The following DOK6 variants were observed in gnomAD, a reference collection of about 807,000 sequenced individuals.
DOK6 encodes docking protein 6.
DOK6 carries 22 observed loss-of-function variants against 44.0 expected under a neutral mutation model. The ratio of observed to expected loss-of-function variants is 0.50; its 90% CI spans 0.36 to 0.71. DOK6 has a LOEUF of 0.71. DOK6 is among the 30% of genes least tolerant of loss of function. DOK6 has a pLI of 0.00. For missense variants in DOK6, 340 were observed against 416.4 expected, an observed-to-expected ratio of 0.82 and a Z score of 1.60; for synonymous variants, 166 against 145.5, an observed-to-expected ratio of 1.14 and a Z score of -1.01.
At position 69,659,849 on chromosome 18, in the gene DOK6, G is replaced by GTT. The variant is rs869131832; in HGVS notation, c.290-17884_290-17883dup. ...ATATATATATATAACATATATGTAT[G>GTT]TTATATATATATATATAAAACATAT... is the stretch of plus-strand genomic sequence containing the variant. On this transcript the variant is annotated intron_variant, in intron 3 of 7. Transcript: ENST00000382713. The GTT allele has an allele frequency of 1.6e-3, 49 of 29,796 alleles. 10 individuals carry two copies. The South Asian group carries it at 0.035, about 22-fold the overall frequency. The allele number at this position is 29,796 out of a possible 1,614,324, so 1.8% of individuals were successfully genotyped here.
chr18:69,531,732 G>T lies in DOK6; in HGVS notation c.67-32755G>T, dbSNP rs1324336097. Among the ~76,000 whole-genome samples, 3 of 151,966 alleles carry T rather than the reference G, an allele frequency of 2.0e-5. No individual in the cohort carries two copies. The East Asian group carries it at 5.8e-4, about 29-fold the overall frequency. ...TATCTTTTTGCCCTCTTTTTACTGA[G>T]GCCATAATATTTTCATTCCCAGTGA... is the stretch of plus-strand genomic sequence containing the variant. On this transcript the variant is annotated intron_variant, in intron 1 of 7. Coordinates refer to ENST00000382713, the MANE Select transcript of DOK6 (RefSeq NM_152721.6).
intron 3 of DOK6, among the ~76,000 whole-genome samples, chr18:69,643,049 A>C (rs771280789): frequency 6.6e-6 from 1 of 152,146 alleles, no homozygotes; most frequent in African/African-American, 2.4e-5. Flanking sequence ...TTGTTTCCCA[A>C]TCTTTGTATC....
chr18:69,495,325 A>G (rs984357169), intron 1 of DOK6, among the ~76,000 whole-genome samples: 5 of 152,228 alleles, frequency 3.3e-5, no homozygotes, highest in African/African-American at 1.2e-4. Flanking sequence ...TATGTGTTAC[A>G]GCTCTTTCAG....
intron 1 of DOK6, among the ~76,000 whole-genome samples, chr18:69,464,277 A>G (rs1270165318): frequency 6.6e-6 from 1 of 152,138 alleles, no homozygotes; most frequent in Non-Finnish European, 1.5e-5. Context: ...CTGATGTGAG[A>G]TTTTCTAAAA....
At chr18:69,593,083 A>C (rs551287616) in intron 2 of DOK6, among the ~76,000 whole-genome samples, 8 of 152,298 alleles carry the variant, frequency 5.3e-5, no homozygotes, top group African/African-American at 1.9e-4. Context: ...GGTTAGGCAC[A>C]GTGGCATGAT....
At chr18:69,807,764 C>T (rs1465090259) in intron 7 of DOK6, among the ~76,000 whole-genome samples, 2 of 151,536 alleles carry the variant, frequency 1.3e-5, no homozygotes, top group African/African-American at 2.4e-5. Context: ...CATATGTGCA[C>T]CCCAAATTGG....
At chr18:69,477,197 T>C (rs1052558005) in intron 1 of DOK6, among the ~76,000 whole-genome samples, 6 of 152,210 alleles carry the variant, frequency 3.9e-5, no homozygotes, top group African/African-American at 1.4e-4. Flanking sequence ...AAATAAACTT[T>C]AGAGCAACAT....
chr18:69,766,088 T>TA (rs1463421229), intron 7 of DOK6, among the ~76,000 whole-genome samples: 1 of 151,982 alleles, frequency 6.6e-6, no homozygotes, highest in East Asian at 1.9e-4. Context: ...TACCCAGCCA[T>TA]AAAAAAGAAT....
chr18:69,435,025 G>GGGAAGGACGGAA (rs1978926397), intron 1 of DOK6, among the ~76,000 whole-genome samples: 1 of 72,266 alleles, frequency 1.4e-5, no homozygotes, highest in Admixed American at 1.6e-4. Flanking sequence ...TAGGGAGGGA[G>GGGAAGGACGGAA]GGAAGGAAGG....
chr18:69,421,320 A>G (rs1978486299), intron 1 of DOK6, among the ~76,000 whole-genome samples: 1 of 152,176 alleles, frequency 6.6e-6, no homozygotes, highest in East Asian at 1.9e-4. Context: ...TCAGAATATT[A>G]ACATTATTTA....
intron 1 of DOK6, among the ~76,000 whole-genome samples, chr18:69,491,576 A>G (rs1980734691): frequency 6.6e-6 from 1 of 152,214 alleles, no homozygotes; most frequent in Non-Finnish European, 1.5e-5. Context: ...TATATGTCCT[A>G]TGTATGATAT....
intron 2 of DOK6, among the ~76,000 whole-genome samples, chr18:69,570,722 T>C (rs1208460419): frequency 6.6e-6 from 1 of 152,068 alleles, no homozygotes; most frequent in East Asian, 1.9e-4. Flanking sequence ...TGGAGGGCAG[T>C]GATCTTGGAA....
intron 3 of DOK6, among the ~76,000 whole-genome samples, chr18:69,637,499 G>A (rs988181047): frequency 3.9e-5 from 6 of 152,066 alleles, no homozygotes; most frequent in Non-Finnish European, 5.9e-5. Context: ...CCCCGCAAAT[G>A]TTTCATCCCT....
chr18:69,767,516 G>C (rs1414462354), intron 7 of DOK6, among the ~76,000 whole-genome samples: 1 of 146,952 alleles, frequency 6.8e-6, no homozygotes, highest in African/African-American at 2.5e-5. Flanking sequence ...CTCATGGAAG[G>C]ACTGTGTTTA....
At chr18:69,565,474 CGTGTGTGT>C (rs869115556) in intron 2 of DOK6, among the ~76,000 whole-genome samples, 96 of 87,568 alleles carry the variant, frequency 1.1e-3, no homozygotes, top group African/African-American at 3.3e-3. Context: ...TCTGTCTCTA[CGTGTGTGT>C]GTGTGTGTGT....
intron 1 of DOK6, among the ~76,000 whole-genome samples, chr18:69,527,595 G>A (rs1981866372): frequency 6.6e-6 from 1 of 152,076 alleles, no homozygotes; most frequent in Admixed American, 6.6e-5. Flanking sequence ...ATTTGGGTGG[G>A]GACAGAGTCA....
chr18:69,646,381 A>T (rs910032200), intron 3 of DOK6, among the ~76,000 whole-genome samples: 1 of 152,210 alleles, frequency 6.6e-6, no homozygotes, highest in Non-Finnish European at 1.5e-5. Flanking sequence ...TAATGCAGAC[A>T]TGAGTATGAT....
chr18:69,658,665 G>T (rs756423553), intron 3 of DOK6, among the ~76,000 whole-genome samples: 1 of 152,066 alleles, frequency 6.6e-6, no homozygotes, highest in Non-Finnish European at 1.5e-5. Context: ...GTAGCAGTTC[G>T]CTGTATTTCT....
intron 1 of DOK6, among the ~76,000 whole-genome samples, chr18:69,517,864 A>G (rs1489859777): frequency 6.6e-6 from 1 of 152,044 alleles, no homozygotes; most frequent in Non-Finnish European, 1.5e-5. Context: ...GTCCCAATTT[A>G]ATCTTTGCAG....
Sources: allele counts gnomAD v4.1 joint callset (sites outside exome capture counted in the v4.1 genomes callset), GRCh38; gene constraint gnomAD v4.1.1; transcripts MANE v1.5; gene names NCBI Gene and HGNC (gene_info 2026-07-23, HGNC 2026-07-21).